The following TRAPPC9 variants were observed in gnomAD, a reference collection of about 807,000 sequenced individuals.
The protein encoded by TRAPPC9 is trafficking protein particle complex subunit 9.
A neutral mutation model predicts 124.0 loss-of-function variants in TRAPPC9; 83 were observed. That is an observed-to-expected ratio of 0.67 (90% confidence interval 0.56 to 0.80). The LOEUF (loss-of-function observed/expected upper bound fraction) is 0.80. Among genes scored for constraint, TRAPPC9 ranks in the 30% least tolerant of loss-of-function variants. The probability of loss-of-function intolerance (pLI) is 0.00; values close to 1 mark genes in which losing one functional copy is unlikely to be tolerated. For synonymous variants in TRAPPC9, 638 were observed against 617.5 expected (o/e 1.03, Z -0.49); for missense variants, 1,302 against 1,508.3 (o/e 0.86, Z 2.27).
intron 17 of TRAPPC9, among the ~76,000 whole-genome samples, chr8:140,123,549 T>G (rs1270720922): frequency 6.6e-6 from 1 of 152,180 alleles, no homozygotes; most frequent in Non-Finnish European, 1.5e-5. Context: ...TACTGCTTCC[T>G]CTCCAGCCAC....
In TRAPPC9 at chr8:140,456,208, G is replaced by A. The variant is rs562543808; in HGVS notation, c.-11+1431C>T. Among the ~76,000 whole-genome samples, 11 of 152,278 alleles carry A rather than the reference G, an allele frequency of 7.2e-5. No individual in the cohort carries two copies. In the East Asian group the frequency reaches 2.1e-3, roughly 29 times the overall value. On this transcript the variant is annotated intron_variant, in intron 1 of 22. Coordinates refer to ENST00000438773, the MANE Select transcript of TRAPPC9 (RefSeq NM_001160372.4). The stretch of plus-strand genomic sequence containing the variant: ...GTGGATCACGAGGTCAGGAGTTCGA[G>A]AGCAGCCTGGCCAACAGAGTGAAAC...
chr8:140,178,225 C>A (rs1471373773), intron 17 of TRAPPC9, among the ~76,000 whole-genome samples: 1 of 152,110 alleles, frequency 6.6e-6, no homozygotes, highest in Non-Finnish European at 1.5e-5. Context: ...GGAAAGCATT[C>A]ACCATTAAGC....
At chr8:140,305,819 T>G (rs1308855907) in intron 10 of TRAPPC9, among the ~76,000 whole-genome samples, 1 of 152,198 alleles carries the variant, frequency 6.6e-6, no homozygotes, top group Non-Finnish European at 1.5e-5. Flanking sequence ...TTCCCAAACA[T>G]TTCATTTGAT....
At chr8:139,906,608 C>T (rs1255090405) in intron 20 of TRAPPC9, among the ~76,000 whole-genome samples, 1 of 152,066 alleles carries the variant, frequency 6.6e-6, no homozygotes, top group Non-Finnish European at 1.5e-5. Context: ...GAGGAAGGGA[C>T]AGGCACTCAG....
chr8:140,418,207 T>C (rs11986398), intron 5 of TRAPPC9, among the ~76,000 whole-genome samples: 2 of 152,058 alleles, frequency 1.3e-5, no homozygotes, highest in African/African-American at 2.4e-5. Flanking sequence ...ACTTAAAGTA[T>C]AATAAAAAAT....
At chr8:140,242,377 GA>G (rs879292979) in intron 16 of TRAPPC9, among the ~76,000 whole-genome samples, 2 of 152,212 alleles carry the variant, frequency 1.3e-5, no homozygotes, top group Non-Finnish European at 2.9e-5. Flanking sequence ...GGATATTTAA[GA>G]GAAAGAACAG....
At chr8:139,978,202 AGGCACACAACC>A (rs1461810858) in intron 19 of TRAPPC9, among the ~76,000 whole-genome samples, 1 of 152,194 alleles carries the variant, frequency 6.6e-6, no homozygotes, top group Non-Finnish European at 1.5e-5. Flanking sequence ...AGAGGACCAC[AGGCACACAACC>A]GGCAGAACCC....
chr8:139,974,057 G>T (rs1377810806), intron 19 of TRAPPC9, among the ~76,000 whole-genome samples: 1 of 152,180 alleles, frequency 6.6e-6, no homozygotes, highest in East Asian at 1.9e-4. Flanking sequence ...AAGCCTCCAG[G>T]CCACACTGGG....
chr8:140,401,113 T>C (rs2069249473), intron 6 of TRAPPC9, among the ~76,000 whole-genome samples: 1 of 152,224 alleles, frequency 6.6e-6, no homozygotes, highest in African/African-American at 2.4e-5. Flanking sequence ...AACCAATGCA[T>C]ATAATCGACA....
intron 21 of TRAPPC9, among the ~76,000 whole-genome samples, chr8:139,760,366 G>A (rs1466598219): frequency 2.0e-5 from 3 of 152,116 alleles, no homozygotes; most frequent in Non-Finnish European, 2.9e-5. Flanking sequence ...GCCAAGATGC[G>A]CTCTGCTTGG....
At chr8:140,178,934 G>T (rs2062135603) in intron 17 of TRAPPC9, among the ~76,000 whole-genome samples, 1 of 151,930 alleles carries the variant, frequency 6.6e-6, no homozygotes, top group Admixed American at 6.6e-5. Flanking sequence ...TCCTTCTAAT[G>T]TCTGTAGGAA....
intron 17 of TRAPPC9, among the ~76,000 whole-genome samples, chr8:140,124,079 A>T (rs2061037371): frequency 6.6e-6 from 1 of 152,236 alleles, no homozygotes; most frequent in Admixed American, 6.5e-5. Flanking sequence ...CTGGTTATTT[A>T]AACTTCTGCT....
intron 21 of TRAPPC9, among the ~76,000 whole-genome samples, chr8:139,823,105 C>T (rs1396797411): frequency 6.6e-6 from 1 of 152,128 alleles, no homozygotes; most frequent in African/African-American, 2.4e-5. Flanking sequence ...TCTCAGAGGT[C>T]TCATTTCCAC....
At chr8:139,766,240 C>A (rs1033114626) in intron 21 of TRAPPC9, among the ~76,000 whole-genome samples, 2 of 152,320 alleles carry the variant, frequency 1.3e-5, no homozygotes, top group Admixed American at 1.3e-4. Context: ...GGCGTGTCTG[C>A]CACCTGCTCA....
At chr8:139,913,965 C>T (rs147574888) in intron 19 of TRAPPC9, 2,200 of 152,580 alleles carry the variant, frequency 0.014, 24 homozygotes, top group Non-Finnish European at 0.02. Context: ...CGGAAAACTG[C>T]GAGAGGCTTT....
intron 16 of TRAPPC9, among the ~76,000 whole-genome samples, chr8:140,234,183 T>G (rs531662121): frequency 3.5e-4 from 53 of 152,250 alleles, no homozygotes; most frequent in Non-Finnish European, 6.0e-4. Flanking sequence ...CAAACCCCAC[T>G]GTGAAATACA....
At chr8:140,033,664 T>TG (rs61417850) in intron 17 of TRAPPC9, among the ~76,000 whole-genome samples, 28,823 of 76,060 alleles carry the variant, frequency 0.38, 4,528 homozygotes, top group South Asian at 0.46. Context: ...TGTGGTTTTT[T>TG]TTTTTTTTTT....
In TRAPPC9 at chr8:139,803,410, T is replaced by C. The variant is rs1823703636; in HGVS notation, c.3056-71208A>G. ...GAAGGGATACAGGTGCTCCTGCCTC[T>C]GATGAACCACACACAGTGCCAGGGG... On this transcript the variant is annotated intron_variant, in intron 21 of 22. Transcript: ENST00000438773. 2.0e-5 allele frequency among the ~76,000 whole-genome samples: 3 copies of C among 152,242 alleles called. No homozygotes were observed. The South Asian group carries it at 6.2e-4, about 31-fold the overall frequency.
intron 17 of TRAPPC9, among the ~76,000 whole-genome samples, chr8:140,137,208 A>T (rs576324217): frequency 3.9e-5 from 6 of 152,312 alleles, no homozygotes; most frequent in African/African-American, 1.4e-4. Flanking sequence ...GCCATGCAGT[A>T]TGCCAGGAGG....
Sources: allele counts gnomAD v4.1 joint callset (sites outside exome capture counted in the v4.1 genomes callset), GRCh38; gene constraint gnomAD v4.1.1; transcripts MANE v1.5; gene names NCBI Gene and HGNC (gene_info 2026-07-23, HGNC 2026-07-21).